RGS6: variants seen among roughly 807,000 people sequenced by gnomAD.
RGS6 encodes the protein regulator of G protein signaling 6.
Under a neutral mutation model 78.5 loss-of-function variants are expected in RGS6, and 30 were observed. The ratio of observed to expected loss-of-function variants is 0.38; its 90% confidence interval spans 0.29 to 0.52. RGS6 has a LOEUF of 0.52. RGS6 is among the 20% of genes least tolerant of loss of function. The pLI, the probability that RGS6 is intolerant of heterozygous loss-of-function variation, is 0.85. For synonymous variants in RGS6, 206 were observed against 206.0 expected, an observed-to-expected ratio of 1.00 and a Z score of 0.00; for missense variants, 495 against 609.7, an observed-to-expected ratio of 0.81 and a Z score of 1.98.
chr14:72,163,675 G>A (rs2096883462), intron 2 of RGS6, among the ~76,000 whole-genome samples: 1 of 152,148 alleles, frequency 6.6e-6, no homozygotes, highest in South Asian at 2.1e-4. Flanking sequence ...ACGAGGTCAG[G>A]CGTTCGAGAC....
At chr14:72,326,737 C>G (rs2073862023) in intron 2 of RGS6, among the ~76,000 whole-genome samples, 1 of 152,204 alleles carries the variant, frequency 6.6e-6, no homozygotes, top group South Asian at 2.1e-4. Context: ...GAGTCTCGCT[C>G]TGTCCCCCAG....
the RGS6 span, among the ~76,000 whole-genome samples, chr14:72,612,195 T>C: frequency 6.8e-3 from 1,039 of 152,288 alleles, 6 homozygotes; most frequent in Non-Finnish European, 0.011. Flanking sequence ...ATGGACTCTG[T>C]TCCCTTTCCT....
intron 6 of RGS6, among the ~76,000 whole-genome samples, chr14:72,460,596 C>A (rs982396135): frequency 6.6e-6 from 1 of 152,204 alleles, no homozygotes; most frequent in African/African-American, 2.4e-5. Flanking sequence ...ACTTCTTTCA[C>A]GGTCCCATGT....
At chr14:72,098,138 T>C (rs1440326163) in intron 2 of RGS6, among the ~76,000 whole-genome samples, 1 of 152,166 alleles carries the variant, frequency 6.6e-6, no homozygotes, top group Non-Finnish European at 1.5e-5. Context: ...TTCACCTCTG[T>C]CACCTAGAGC....
chr14:72,172,994 C>T (rs1239950597), intron 2 of RGS6, among the ~76,000 whole-genome samples: 1 of 152,172 alleles, frequency 6.6e-6, no homozygotes, highest in East Asian at 1.9e-4. Flanking sequence ...TTTTTCTGCC[C>T]TACCTGGGGC....
At chr14:72,316,211 G>A (rs975186837) in intron 2 of RGS6, among the ~76,000 whole-genome samples, 3 of 152,132 alleles carry the variant, frequency 2.0e-5, no homozygotes, top group Non-Finnish European at 4.4e-5. Flanking sequence ...GTTGCTTGAC[G>A]ATATTCTCTT....
intron 3 of RGS6, among the ~76,000 whole-genome samples, chr14:72,400,903 G>T (rs142316778): frequency 5.3e-5 from 8 of 150,790 alleles, no homozygotes; most frequent in Non-Finnish European, 1.2e-4. Flanking sequence ...CAGGAGGAGT[G>T]AGGAGGAGCC....
intron 2 of RGS6, among the ~76,000 whole-genome samples, chr14:72,260,552 T>C (rs912818210): frequency 2.0e-5 from 3 of 152,260 alleles, no homozygotes; most frequent in Admixed American, 6.5e-5. Flanking sequence ...AAGAGCCTCA[T>C]AAAGAGTATT....
chr14:71,874,249 C>G, the RGS6 span, among the ~76,000 whole-genome samples: 1 of 151,818 alleles, frequency 6.6e-6, no homozygotes, highest in Non-Finnish European at 1.5e-5. Flanking sequence ...GCCATTTTCA[C>G]GATATTGATT....
intron 2 of RGS6, among the ~76,000 whole-genome samples, chr14:72,009,340 C>T (rs1001324565): frequency 6.6e-6 from 1 of 151,962 alleles, no homozygotes; most frequent in Non-Finnish European, 1.5e-5. Context: ...AGAGTGAGAC[C>T]CCCCACCCCA....
chr14:72,409,873 T>G (rs1342172103), intron 3 of RGS6, among the ~76,000 whole-genome samples: 3 of 152,198 alleles, frequency 2.0e-5, no homozygotes, highest in Non-Finnish European at 4.4e-5. Context: ...TTCATCCATG[T>G]CCCTACAAAG....
chr14:72,517,561 G>A (rs1014372932), intron 14 of RGS6, among the ~76,000 whole-genome samples: 6 of 152,186 alleles, frequency 3.9e-5, no homozygotes, highest in African/African-American at 9.7e-5. Context: ...TCAGCAGAAG[G>A]AGAACCATTC....
Position 72,277,369 on chromosome 14 carries a change from G to C in RGS6, c.85-74726G>C, listed in dbSNP as rs112231159. ...TCCCAGCACTTTGGGAGGCCGAAGC[G>C]GGCGGATCATGAGGTCAGGAGATCG... On this transcript the variant is annotated intron_variant, in intron 2 of 17. Coordinates refer to ENST00000553525, the MANE Select transcript of RGS6 (RefSeq NM_001204424.2). 9.4e-3 allele frequency among the ~76,000 whole-genome samples: 1,426 copies of C among 151,204 alleles called. 12 individuals carry two copies. The highest frequency in any genetic ancestry group is 0.024 in the South Asian group (114 of 4,750).
intron 2 of RGS6, among the ~76,000 whole-genome samples, chr14:72,157,937 C>T (rs755503719): frequency 2.6e-5 from 4 of 151,996 alleles, no homozygotes; most frequent in Non-Finnish European, 4.4e-5. Flanking sequence ...TGGTTTGCTG[C>T]ACCCATCAAC....
chr14:71,940,092 A>G (rs1413710196), intron 1 of RGS6, among the ~76,000 whole-genome samples: 1 of 152,210 alleles, frequency 6.6e-6, no homozygotes, highest in African/African-American at 2.4e-5. Flanking sequence ...CTAAAACTCC[A>G]TTAATTATCT....
intron 13 of RGS6, 30 bp from the exon 14 acceptor site, chr14:72,510,124 T>A: frequency 6.4e-7 from 1 of 1,552,404 alleles, no homozygotes; most frequent in South Asian, 1.3e-5. Flanking sequence ...GGTATTGATC[T>A]TCTTTAAACC....
Position 71,936,015 on chromosome 14 carries a change from G to GAGATATATATATATAT in RGS6, c.-21+3075_-21+3076insGATATATATATATATA, listed in dbSNP as rs751624395. On this transcript the variant is annotated intron_variant, in intron 1 of 17. Coordinates refer to ENST00000553525, the MANE Select transcript of RGS6 (RefSeq NM_001204424.2). Reference sequence around the variant, plus strand: ...TCTCTTAGAGGGACAGAACTAATAGGATATATATATATATATATATATATA... The same window carrying GAGATATATATATATAT: ...TCTCTTAGAGGGACAGAACTAATAGGAGATATATATATATATATATATATATATATATATATATATA... 1.1e-3 allele frequency among the ~76,000 whole-genome samples: 70 copies of GAGATATATATATATAT among 63,768 alleles called. 1 individual carries two copies. Among genetic ancestry groups the GAGATATATATATATAT allele is most frequent in the African/African-American group, 3.3e-3 (63 of 19,114 alleles). 41.8% of individuals were successfully genotyped at this position (63,768 alleles called of 152,430 possible).
At chr14:72,107,972 A>G (rs1266719894) in intron 2 of RGS6, among the ~76,000 whole-genome samples, 2 of 152,124 alleles carry the variant, frequency 1.3e-5, no homozygotes, top group Non-Finnish European at 1.5e-5. Flanking sequence ...TGTTTTTATC[A>G]GGTAATAGTT....
intron 3 of RGS6, among the ~76,000 whole-genome samples, chr14:72,404,896 A>G (rs549611927): frequency 1.3e-5 from 2 of 152,256 alleles, no homozygotes; most frequent in East Asian, 3.9e-4. Flanking sequence ...GTTTCTCCCT[A>G]GGAGAGTGCC....
Sources: allele counts gnomAD v4.1 joint callset (sites outside exome capture counted in the v4.1 genomes callset), GRCh38; gene constraint gnomAD v4.1.1; transcripts MANE v1.5; gene names NCBI Gene and HGNC (gene_info 2026-07-23, HGNC 2026-07-21).